Variants in ZNF516 observed in about 807,000 individuals in gnomAD.
The protein encoded by ZNF516 is zinc finger protein 516.
A neutral mutation model predicts 79.7 loss-of-function variants in ZNF516; 19 were observed. The ratio of observed to expected loss-of-function variants is 0.24; its 90% CI spans 0.17 to 0.35. ZNF516 has a LOEUF of 0.35. Among genes scored for constraint, ZNF516 ranks in the 10% least tolerant of loss-of-function variants. ZNF516 has a pLI of 1.00. For missense variants in ZNF516, 1,678 were observed against 1,679.5 expected, an observed-to-expected ratio of 1.00 and a Z score of 0.02; for synonymous variants, 877 against 739.5, an observed-to-expected ratio of 1.19 and a Z score of -3.02.
At chr18:76,440,927 T>C (rs1302010938) in intron 3 of ZNF516, among the ~76,000 whole-genome samples, 1 of 152,196 alleles carries the variant, frequency 6.6e-6, no homozygotes, top group Non-Finnish European at 1.5e-5. Context: ...TGTGAGTATA[T>C]GCAAACACTG....
At position 76,360,001 on chromosome 18, in the gene ZNF516, G is replaced by C. The variant is rs989311686; in HGVS notation, c.*2497C>G. ...GCTGGCCTCAAGGGATGGCGTTCTT[G>C]GGGGGGCTCCCCAGTCTGTTTAACT... On this transcript the variant is annotated 3_prime_UTR_variant, in exon 7 of 7. Coordinates refer to ENST00000443185, the MANE Select transcript of ZNF516 (RefSeq NM_014643.4). 6.6e-6 allele frequency: 1 copy of C among 152,140 alleles called. No homozygotes were observed. Among genetic ancestry groups the C allele is most frequent in the African/African-American group, 2.4e-5 (1 of 41,422 alleles). 9.4% of individuals were successfully genotyped at this position (152,140 alleles called of 1,614,324 possible).
In ZNF516 at chr18:76,441,984, G is replaced by A. The variant is rs947869699; in HGVS notation, c.1071C>T (p.His357=). The A allele has an allele frequency of 1.7e-5, 27 of 1,613,094 alleles. No homozygotes were observed. Among genetic ancestry groups the A allele is most frequent in the Non-Finnish European group, 2.2e-5 (26 of 1,179,824 alleles). ...GCGTGCGGCTGGCCTCGACTCTGCG[G>A]TGGATGGCATTGTGGGCGTTCAAGC... ...LDSLNAHNAI[H]RRVEASRTRA... is the part of the protein sequence containing the mutation. The change falls in exon 3 of 7, where the codon CAC becomes CAT. Residue 357 remains histidine, a synonymous_variant. Coordinates refer to ENST00000443185, the MANE Select transcript of ZNF516 (RefSeq NM_014643.4).
At chr18:76,427,672 T>G (rs943619265) in intron 3 of ZNF516, among the ~76,000 whole-genome samples, 1 of 152,114 alleles carries the variant, frequency 6.6e-6, no homozygotes, top group African/African-American at 2.4e-5. Flanking sequence ...AATAAAAGAC[T>G]TCATAAAGTA....
At chr18:76,369,182 C>G (rs2074663566) in intron 6 of ZNF516, among the ~76,000 whole-genome samples, 1 of 152,184 alleles carries the variant, frequency 6.6e-6, no homozygotes, top group Non-Finnish European at 1.5e-5. Context: ...TTAAAAAGGA[C>G]AATGCTTCCT....
intron 1 of ZNF516, chr18:76,492,903 T>C: frequency 3.0e-6 from 3 of 985,606 alleles, no homozygotes; most frequent in Non-Finnish European, 3.6e-6. Flanking sequence ...CACATCTGTG[T>C]AAATGCAGAA....
At position 76,358,044 on chromosome 18, in the gene ZNF516, G is replaced by C. The variant is rs2074480967; in HGVS notation, c.*4454C>G. ...CATCTGTTCAGATGAACGATCTTGT[G>C]AATTACCCTAAAACTCTTCCATAAA... On this transcript the variant is annotated 3_prime_UTR_variant, in exon 7 of 7. Coordinates refer to ENST00000443185, the MANE Select transcript of ZNF516 (RefSeq NM_014643.4). The C allele has an allele frequency of 6.6e-6, 1 of 152,186 alleles. No homozygotes were observed. The highest frequency in any genetic ancestry group is 1.5e-5 in the Non-Finnish European group (1 of 68,032). 9.4% of individuals were successfully genotyped at this position (152,186 alleles called of 1,614,324 possible). A position where few individuals can be genotyped will look rare whatever the true frequency, so the allele number is the denominator to read the frequency against.
At position 76,441,351 on chromosome 18, in the gene ZNF516, G is replaced by A. The variant is rs778720247; in HGVS notation, c.1704C>T (p.Pro568=). 5.0e-6 allele frequency: 8 copies of A among 1,611,394 alleles called. No individual in the cohort carries two copies. The highest frequency in any genetic ancestry group is 1.7e-5 in the Admixed American group (1 of 59,930). ...CGGCACAGGCGGAGCCAGGGCTGCT[G>A]GGCTGGGAGGCCGAGTCACCCTCAC... ...SLSEGDSASQ[P]SSPGSACAAA... The change falls in exon 3 of 7, where the codon CCC becomes CCT. Residue 568 remains proline (P), a synonymous_variant. Coordinates refer to ENST00000443185, the MANE Select transcript of ZNF516 (RefSeq NM_014643.4).
chr18:76,492,287 G>A (rs1436540080), intron 1 of ZNF516: 1 of 985,326 alleles, frequency 1.0e-6, no homozygotes, highest in Non-Finnish European at 1.2e-6. Flanking sequence ...CGTACTACGC[G>A]AGCCACACAC....
At chr18:76,479,272 A>AT (rs1914358399) in intron 1 of ZNF516, among the ~76,000 whole-genome samples, 1 of 152,210 alleles carries the variant, frequency 6.6e-6, no homozygotes, top group Non-Finnish European at 1.5e-5. Context: ...TCTTGCTGCT[A>AT]AAGAACAGAA....
chr18:76,447,385 G>A (rs1288797680), intron 2 of ZNF516, among the ~76,000 whole-genome samples: 2 of 152,356 alleles, frequency 1.3e-5, no homozygotes, highest in East Asian at 3.9e-4. Flanking sequence ...CGTGCCTCAC[G>A]TAGGAGCAGC....
chr18:76,492,055 G>A (rs1915260228), intron 1 of ZNF516: 1 of 640,718 alleles, frequency 1.6e-6, no homozygotes, highest in Non-Finnish European at 1.9e-6. Context: ...CTGGTGGCCG[G>A]GCACACCCGC....
At chr18:76,460,371 GC>G (rs1913025461) in intron 2 of ZNF516, among the ~76,000 whole-genome samples, 2 of 152,228 alleles carry the variant, frequency 1.3e-5, no homozygotes, top group African/African-American at 4.8e-5. Context: ...CACCTTCCAG[GC>G]CCCCGCTCTC....
Position 76,459,963 on chromosome 18 carries a change from C to T in ZNF516, c.-158+3065G>A, listed in dbSNP as rs1309366016. ...CCAGTCCCAAATAATGAATCATGTC[C>T]ACTGCACTAGAATGCAGTCTTTTAA... On this transcript the variant is annotated intron_variant, in intron 2 of 6. Transcript: ENST00000443185. This position sits in a 1 kb window ranked among gnomAD's most constrained non-coding sequence, Gnocchi z 5.0. 6.6e-6 allele frequency among the ~76,000 whole-genome samples: 1 copy of T among 152,200 alleles called. No homozygotes were observed. The highest frequency in any genetic ancestry group is 1.5e-5 in the Non-Finnish European group (1 of 68,030).
chr18:76,489,776 G>A (rs1405394090), intron 1 of ZNF516, among the ~76,000 whole-genome samples: 1 of 152,130 alleles, frequency 6.6e-6, no homozygotes, highest in Non-Finnish European at 1.5e-5. Flanking sequence ...TCTTGATCTA[G>A]TGTATTTCAG....
rs2074506559 is a variant in ZNF516, at chr18:76,359,963, A to C, written c.*2535T>G. 6.6e-6 allele frequency: 1 copy of C among 152,290 alleles called. No individual in the cohort carries two copies. The highest frequency in any genetic ancestry group is 1.5e-5 in the Non-Finnish European group (1 of 68,060). The allele number at this position is 152,290 out of a possible 1,614,324, so 9.4% of individuals were successfully genotyped here. ...GGTGGAAGGAAGGGACCACACATCC[A>C]GGCCTGCCCACAGCTGGCCTCAAGG... On this transcript the variant is annotated 3_prime_UTR_variant, in exon 7 of 7. Coordinates refer to ENST00000443185, the MANE Select transcript of ZNF516 (RefSeq NM_014643.4).
At chr18:76,445,172 G>A (rs1456389627) in intron 2 of ZNF516, among the ~76,000 whole-genome samples, 4 of 151,480 alleles carry the variant, frequency 2.6e-5, no homozygotes, top group Admixed American at 6.6e-5. Flanking sequence ...CAGGAGCATC[G>A]CTTGAACCCG....
chr18:76,386,795 T>C (rs2074999061), intron 3 of ZNF516: 1 of 152,232 alleles, frequency 6.6e-6, no homozygotes, highest in Admixed American at 6.5e-5. Flanking sequence ...GTTCTATGAC[T>C]GACAATTTTA....
chr18:76,454,488 A>T (rs1408376344), intron 2 of ZNF516, among the ~76,000 whole-genome samples: 1 of 152,218 alleles, frequency 6.6e-6, no homozygotes, highest in African/African-American at 2.4e-5. Context: ...AACCAGTTTA[A>T]ATTTTCCAGC....
chr18:76,492,063 C>G (rs1254668337), intron 1 of ZNF516: 2 of 729,590 alleles, frequency 2.7e-6, no homozygotes, highest in Non-Finnish European at 3.4e-6. Flanking sequence ...CGGGCACACC[C>G]GCGCATGGAC....
Sources: gnomAD v4.1 joint callset for allele counts (sites outside exome capture counted in the v4.1 genomes callset) on GRCh38, gnomAD v4.1.1 for gene constraint, Gnocchi (gnomAD v3.1) non-coding constraint, MANE v1.5 for transcripts, NCBI Gene and HGNC (gene_info 2026-07-23, HGNC 2026-07-21) for gene names.